GPC6: variants seen among roughly 807,000 people sequenced by gnomAD.
The protein encoded by GPC6 is glypican 6.
GPC6 carries 14 observed loss-of-function variants against 55.2 expected under a neutral mutation model. That is an observed-to-expected ratio of 0.25 (90% CI 0.17 to 0.40). GPC6 has a LOEUF of 0.40. GPC6 is among the 10% of genes least tolerant of loss of function. The pLI is 1.00. For synonymous variants in GPC6, 278 were observed against 259.6 expected (o/e 1.07, Z -0.68); for missense variants, 641 against 708.5 (o/e 0.90, Z 1.08).
intron 1 of GPC6, among the ~76,000 whole-genome samples, chr13:93,300,936 T>C (rs1247794425): frequency 1.3e-5 from 2 of 150,092 alleles, no homozygotes; most frequent in Non-Finnish European, 3.0e-5. Flanking sequence ...GGAGAATCAT[T>C]TGAACCCGGG....
intron 2 of GPC6, among the ~76,000 whole-genome samples, chr13:93,619,081 A>G (rs1408360834): frequency 6.6e-6 from 1 of 152,178 alleles, no homozygotes; most frequent in Non-Finnish European, 1.5e-5. Flanking sequence ...TCATGGGAAC[A>G]CCATCATATA....
At chr13:93,325,527 T>C (rs542817011) in intron 1 of GPC6, among the ~76,000 whole-genome samples, 1 of 152,056 alleles carries the variant, frequency 6.6e-6, no homozygotes, top group Non-Finnish European at 1.5e-5. Flanking sequence ...GAGTAAGCAG[T>C]GGCCATTCTA....
At chr13:93,411,381 G>A (rs9561341) in intron 1 of GPC6, among the ~76,000 whole-genome samples, 1 of 152,116 alleles carries the variant, frequency 6.6e-6, no homozygotes, top group African/African-American at 2.4e-5. Context: ...GCAGACCCTT[G>A]GGCTGTACTT....
intron 2 of GPC6, among the ~76,000 whole-genome samples, chr13:93,793,473 C>T (rs1886107311): frequency 7.3e-6 from 1 of 137,242 alleles, no homozygotes; most frequent in South Asian, 2.2e-4. Flanking sequence ...TTCAGAATAT[C>T]ACTTTTGACT....
chr13:93,630,697 G>A (rs1199240965), intron 2 of GPC6, among the ~76,000 whole-genome samples: 1 of 152,052 alleles, frequency 6.6e-6, no homozygotes, highest in Non-Finnish European at 1.5e-5. Flanking sequence ...ATCTATAGCA[G>A]CAACTAAAAT....
rs140622892 is a variant in GPC6, at chr13:94,100,134, G to A, written c.877+72240G>A. Among the ~76,000 whole-genome samples, 1,058 of 152,202 alleles carry A rather than the reference G, an allele frequency of 7.0e-3. 20 individuals are homozygous for A. The highest frequency in any genetic ancestry group is 0.023 in the African/African-American group (953 of 41,526). ...TGTTAATAAGAAACTGCAGATATTC[G>A]TTGATATAATGTTCCATATTTACAG... On this transcript the variant is annotated intron_variant, in intron 4 of 8. Coordinates refer to ENST00000377047, the MANE Select transcript of GPC6 (RefSeq NM_005708.5).
chr13:93,551,575 C>T (rs1311683535), intron 2 of GPC6, among the ~76,000 whole-genome samples: 1 of 152,128 alleles, frequency 6.6e-6, no homozygotes, highest in African/African-American at 2.4e-5. Context: ...TCCTTAAAGT[C>T]TAAACTAGAA....
intron 2 of GPC6, among the ~76,000 whole-genome samples, chr13:93,648,569 A>T (rs1442538553): frequency 2.0e-5 from 3 of 152,192 alleles, no homozygotes; most frequent in Non-Finnish European, 4.4e-5. Flanking sequence ...TCTGACATTG[A>T]CAGTTGTGAA....
At chr13:94,223,103 A>G (rs1259474577) in intron 4 of GPC6, among the ~76,000 whole-genome samples, 1 of 152,174 alleles carries the variant, frequency 6.6e-6, no homozygotes, top group Non-Finnish European at 1.5e-5. Context: ...TTTAAAAATG[A>G]CCACAAAGCT....
At chr13:94,020,819 A>G (rs1158708201) in intron 3 of GPC6, among the ~76,000 whole-genome samples, 1 of 152,196 alleles carries the variant, frequency 6.6e-6, no homozygotes, top group Non-Finnish European at 1.5e-5. Context: ...TGAAGGTTGC[A>G]CAAATGAATA....
At chr13:93,448,493 TAGAA>T (rs1285249345) in intron 1 of GPC6, among the ~76,000 whole-genome samples, 4 of 152,178 alleles carry the variant, frequency 2.6e-5, no homozygotes, top group Admixed American at 6.5e-5. Context: ...TTGAGCTTCT[TAGAA>T]AGGCATAGTG....
chr13:93,656,881 G>A (rs536362536), intron 2 of GPC6, among the ~76,000 whole-genome samples: 1 of 151,998 alleles, frequency 6.6e-6, no homozygotes, highest in Admixed American at 6.6e-5. Flanking sequence ...AAATACTTAG[G>A]AATACAACTA....
At chr13:93,345,694 G>T (rs1429454868) in intron 1 of GPC6, among the ~76,000 whole-genome samples, 1 of 152,140 alleles carries the variant, frequency 6.6e-6, no homozygotes, top group African/African-American at 2.4e-5. Flanking sequence ...GGGCCATTTT[G>T]TTGGTAAAAT....
intron 4 of GPC6, among the ~76,000 whole-genome samples, chr13:94,111,525 T>A (rs999033891): frequency 2.0e-5 from 3 of 150,046 alleles, no homozygotes; most frequent in Non-Finnish European, 4.4e-5. Flanking sequence ...CTTCTTAATT[T>A]AAAAAAACTC....
chr13:93,990,796 G>T (rs1881265426), intron 3 of GPC6, among the ~76,000 whole-genome samples: 1 of 151,562 alleles, frequency 6.6e-6, no homozygotes, highest in African/African-American at 2.4e-5. Flanking sequence ...CCATGAGTTT[G>T]AGGCTACAGT....
intron 6 of GPC6, among the ~76,000 whole-genome samples, chr13:94,326,458 GA>G (rs778881946): frequency 3.3e-5 from 5 of 151,996 alleles, no homozygotes; most frequent in South Asian, 2.1e-4. Flanking sequence ...TAATCACAAA[GA>G]AAAAAAGTAG....
rs562574223 is a variant in GPC6, at chr13:93,659,848, C to T, written c.319+114427C>T. Among the ~76,000 whole-genome samples, 11 of 151,926 alleles carry T rather than the reference C, an allele frequency of 7.2e-5. No individual in the cohort carries two copies. The South Asian group carries it at 8.3e-4, about 11-fold the overall frequency. ...CTCTCAGTAAGCATCTTAAAGTAAA[C>T]GTATTTTATGTTTAAACCTCAAAGC... On this transcript the variant is annotated intron_variant, in intron 2 of 8. Coordinates refer to ENST00000377047, the MANE Select transcript of GPC6 (RefSeq NM_005708.5).
intron 2 of GPC6, among the ~76,000 whole-genome samples, chr13:93,618,706 G>A (rs900734053): frequency 2.0e-5 from 3 of 152,018 alleles, no homozygotes; most frequent in African/African-American, 4.8e-5. Context: ...ACTCTACTAG[G>A]ATTTATTGAA....
At chr13:93,574,738 C>G (rs1387793378) in intron 2 of GPC6, among the ~76,000 whole-genome samples, 2 of 152,140 alleles carry the variant, frequency 1.3e-5, no homozygotes, top group African/African-American at 2.4e-5. Context: ...CATTATACTC[C>G]ACTGCTATCC....
Sources: allele counts gnomAD v4.1 joint callset (sites outside exome capture counted in the v4.1 genomes callset), GRCh38; gene constraint gnomAD v4.1.1; transcripts MANE v1.5; gene names NCBI Gene and HGNC (gene_info 2026-07-23, HGNC 2026-07-21).